Variants in ATP11C observed in about 807,000 individuals in gnomAD.
ATP11C encodes the protein ATPase phospholipid transporting 11C (ATP11C blood group).
In ATP11C, 36 loss-of-function variants were observed where a neutral mutation model predicts 97.4. That is an observed-to-expected ratio of 0.37 (90% confidence interval 0.28 to 0.49). ATP11C has a LOEUF of 0.49. Ranked by LOEUF, ATP11C falls within the 20% of genes least tolerant of loss-of-function variation. The pLI is 0.98. For synonymous variants in ATP11C, 275 were observed against 290.9 expected (o/e 0.95, Z 0.56); for missense variants, 730 against 824.6 (o/e 0.89, Z 1.40).
intron 26 of ATP11C, among the ~76,000 whole-genome samples, chrX:139,742,279 G>A (rs1319217003): frequency 8.9e-6 from 1 of 111,756 alleles, no homozygotes; most frequent in African/African-American, 3.2e-5. Flanking sequence ...CTCAAAAAGG[G>A]TAGGTGCTAC....
chrX:139,797,403 G>C (rs2082824277), intron 10 of ATP11C, 77 bp from the exon 11 acceptor site: 8 of 784,967 alleles, frequency 1.0e-5, no homozygotes, highest in Non-Finnish European at 1.4e-5. Flanking sequence ...GTCATCTAAA[G>C]CTTTTTCTGT....
intron 19 of ATP11C, among the ~76,000 whole-genome samples, chrX:139,774,401 C>A (rs779187645): frequency 2.7e-5 from 3 of 111,831 alleles, no homozygotes; most frequent in Non-Finnish European, 5.6e-5. Context: ...ATGGACCAGG[C>A]CAGAATATCA....
Position 139,750,154 on chromosome X carries a change from TAAAATGAAA to T in ATP11C, c.2701-11_2701-3del. 1 of 1,170,928 alleles carries T rather than the reference TAAAATGAAA, an allele frequency of 8.5e-7. No homozygotes were observed. The highest frequency in any genetic ancestry group is 1.2e-6 in the Non-Finnish European group (1 of 868,773). On this transcript the variant is annotated splice_region_variant and splice_polypyrimidine_tract_variant and intron_variant, in intron 23 of 29. Transcript: ENST00000682941. ...AAGGTAAGCAGCATCATACAGTGGC[TAAAATGAAA>T]AACAACAGAGGAAAGAAAGAAATTT...
intron 5 of ATP11C, among the ~76,000 whole-genome samples, chrX:139,811,164 G>A (rs925654822): frequency 9.0e-6 from 1 of 110,789 alleles, no homozygotes; most frequent in African/African-American, 3.3e-5. Context: ...TATTTCGGAC[G>A]CCAAAAAATA....
chrX:139,816,442 T>C (rs1157577391), intron 4 of ATP11C, among the ~76,000 whole-genome samples: 1 of 111,915 alleles, frequency 8.9e-6, no homozygotes, highest in Non-Finnish European at 1.9e-5. Context: ...CTCTACCTAC[T>C]ACCCCCTGAA....
chrX:139,741,040 A>T lies in ATP11C; in HGVS notation c.3085T>A (p.Ser1029Thr). 1 of 1,208,350 alleles carries T rather than the reference A, an allele frequency of 8.3e-7. No homozygotes were observed. Among genetic ancestry groups the T allele is most frequent in the Non-Finnish European group, 1.1e-6 (1 of 892,790 alleles). ...TWINHFVIWG[S>T]LAFYVFFSFF... ...GAGAAAAATACATAGAAGGCTAAAG[A>T]ACCCCAAATCACAAAGTGATTTATC... The change falls in exon 27 of 30, where the codon TCT (serine) becomes ACT (threonine). Residue 1029 changes from serine (S) to threonine (T), a missense_variant. Physicochemically the swap from Ser to Thr is moderately conservative, Grantham distance 58 (BLOSUM62 1). Transcript: ENST00000682941.
intron 1 of ATP11C, among the ~76,000 whole-genome samples, chrX:139,853,149 C>G (rs1186178299): frequency 9.0e-6 from 1 of 111,699 alleles, no homozygotes; most frequent in African/African-American, 3.3e-5. Context: ...TCACACAAAC[C>G]CCCCCTTTCT....
intron 1 of ATP11C, among the ~76,000 whole-genome samples, chrX:139,896,393 GAA>G (rs1185337520): frequency 3.6e-5 from 4 of 110,622 alleles, no homozygotes; most frequent in African/African-American, 9.9e-5. Context: ...CAAAAACAAG[GAA>G]AGTCTGAGAA....
At chrX:139,755,388 T>C (rs1340906685) in intron 23 of ATP11C, among the ~76,000 whole-genome samples, 1 of 112,184 alleles carries the variant, frequency 8.9e-6, no homozygotes, top group African/African-American at 3.2e-5. Context: ...AGAATCAATA[T>C]TGTTAAAATG....
intron 1 of ATP11C, among the ~76,000 whole-genome samples, chrX:139,893,696 C>T (rs940320675): frequency 9.5e-6 from 1 of 105,263 alleles, no homozygotes; most frequent in African/African-American, 3.5e-5. Flanking sequence ...TCTCACTGTA[C>T]AGATGAAAAT....
chrX:139,734,414 G>A (rs1379290300), intron 28 of ATP11C, among the ~76,000 whole-genome samples: 1 of 111,227 alleles, frequency 9.0e-6, no homozygotes, highest in South Asian at 3.8e-4. Flanking sequence ...TTAAATTATA[G>A]TCTTCCTTTG....
In ATP11C at chrX:139,797,339, A is replaced by T; in HGVS notation, c.858-13T>A. 1 of 1,130,695 alleles carries T rather than the reference A, an allele frequency of 8.8e-7. No homozygotes were observed. The highest frequency in any genetic ancestry group is 1.2e-6 in the Non-Finnish European group (1 of 841,917). The allele number at this position is 1,130,695 out of a possible 1,213,427, so 93.2% of individuals were successfully genotyped here. ...AGCATTAATAGATCTGAAAAATAAG[A>T]TAGCATGGATTTTAAAACCAAAGAC... On this transcript the variant is annotated splice_polypyrimidine_tract_variant and intron_variant, in intron 10 of 29. Coordinates refer to ENST00000682941, the MANE Select transcript of ATP11C (RefSeq NM_001353812.2).
At chrX:139,778,344 G>A (rs1271405038) in intron 18 of ATP11C, among the ~76,000 whole-genome samples, 1 of 111,810 alleles carries the variant, frequency 8.9e-6, no homozygotes, top group African/African-American at 3.3e-5. Flanking sequence ...GATGATATTT[G>A]CTACTATAAA....
rs757937426 is a variant in ATP11C, at chrX:139,897,220, T to C, written c.27+34796A>G. Among the ~76,000 whole-genome samples, 5 of 110,866 alleles carry C rather than the reference T, an allele frequency of 4.5e-5. No individual in the cohort carries two copies. The South Asian group carries it at 1.9e-3, about 43-fold the overall frequency. On this transcript the variant is annotated intron_variant, in intron 1 of 29. Transcript: ENST00000682941. ...CAGCCTGAGAGAGAGTGAGACCCTGTCTCAAAATAATAAGGGAAACTGGGT... is the reference window on the plus strand; with the variant it reads ...CAGCCTGAGAGAGAGTGAGACCCTGCCTCAAAATAATAAGGGAAACTGGGT...
intron 24 of ATP11C, among the ~76,000 whole-genome samples, chrX:139,746,801 G>C (rs1312532509): frequency 9.0e-6 from 1 of 111,643 alleles, no homozygotes; most frequent in East Asian, 2.8e-4. Flanking sequence ...ATGGGTTGGT[G>C]CATGTGTTTC....
chrX:139,912,680 T>C lies in ATP11C; in HGVS notation c.27+19336A>G, dbSNP rs1229056188. On this transcript the variant is annotated intron_variant, in intron 1 of 29. Transcript: ENST00000682941. ...ATGCACATTGAATTTCATGACTACT[T>C]AAAATCATCAATTTCAAACATGGAT... Among the ~76,000 whole-genome samples, 3 of 111,596 alleles carry C rather than the reference T, an allele frequency of 2.7e-5. No homozygotes were observed. In the East Asian group the frequency reaches 8.5e-4, roughly 32 times the overall value.
chrX:139,921,320 C>G (rs372350670), intron 1 of ATP11C, among the ~76,000 whole-genome samples: 43 of 110,992 alleles, frequency 3.9e-4, no homozygotes, highest in African/African-American at 1.2e-3. Context: ...CCCATGTTCT[C>G]GTGATAGTGA....
intron 28 of ATP11C, 60 bp from the exon 29 acceptor site, chrX:139,731,815 T>C: frequency 1.3e-6 from 1 of 744,226 alleles, no homozygotes. Context: ...TACCTGGTGA[T>C]TATATATTTA....
chrX:139,734,541 G>A (rs1445269279), intron 28 of ATP11C, among the ~76,000 whole-genome samples: 3 of 111,496 alleles, frequency 2.7e-5, no homozygotes, highest in African/African-American at 9.8e-5. Context: ...TTGCTACTTG[G>A]CCAGAAACTC....
Sources: allele counts gnomAD v4.1 joint callset (sites outside exome capture counted in the v4.1 genomes callset), GRCh38; gene constraint gnomAD v4.1.1; transcripts MANE v1.5; gene names NCBI Gene and HGNC (gene_info 2026-07-23, HGNC 2026-07-21).